The following VPS52 variants were observed in gnomAD, a reference collection of about 807,000 sequenced individuals.
VPS52 encodes VPS52 subunit of GARP complex.
Under a neutral mutation model 98.7 loss-of-function variants are expected in VPS52, and 56 were observed. That is an observed-to-expected ratio of 0.57 (90% CI 0.46 to 0.71). VPS52 has a LOEUF of 0.71. Among genes scored for constraint, VPS52 ranks in the 30% least tolerant of loss-of-function variants. The probability of loss-of-function intolerance (pLI) is 0.00; values close to 1 mark genes in which losing one functional copy is unlikely to be tolerated. For synonymous variants in VPS52, 348 were observed against 346.4 expected, an observed-to-expected ratio of 1.00 and a Z score of -0.05; for missense variants, 742 against 925.9, an observed-to-expected ratio of 0.80 and a Z score of 2.58.
chr6:33,268,255 G>T lies in VPS52; in HGVS notation c.700-47C>A. On this transcript the variant is annotated intron_variant, in intron 7 of 19. Transcript: ENST00000445902. This position sits in a 1 kb window ranked among gnomAD's most constrained non-coding sequence, Gnocchi z 4.0. ...CAGGGCATGAAGCTGCAACCCTTTT[G>T]CTGTATGAGAGGAACTGGGGGAAGC... 6.3e-7 allele frequency: 1 copy of T among 1,590,676 alleles called. No homozygotes were observed. Among genetic ancestry groups the T allele is most frequent in the Non-Finnish European group, 8.6e-7 (1 of 1,160,238 alleles).
In VPS52 at chr6:33,266,677, G is replaced by A. The variant is rs34933266; in HGVS notation, c.1161C>T (p.Tyr387=). The change falls in exon 12 of 20, where the codon TAC becomes TAT. Residue 387 remains tyrosine, a synonymous_variant. Coordinates refer to ENST00000445902, the MANE Select transcript of VPS52 (RefSeq NM_022553.6). ...CGCGGCAGGAATTGTCTAGGAGGGC[G>A]TAGTGCTGGCTGCGGAAGAGGGCCT... ...PFEALFRSQH[Y]ALLDNSCREY... 10,133 of 1,612,514 alleles carry A rather than the reference G, an allele frequency of 6.3e-3. 54 individuals are homozygous for A. Among genetic ancestry groups the A allele is most frequent in the Middle Eastern group, 0.014 (85 of 6,042 alleles).
chr6:33,263,691 T>C (rs1763938696), intron 16 of VPS52, 81 bp downstream of exon 16: 1 of 1,587,002 alleles, frequency 6.3e-7, no homozygotes, highest in Admixed American at 1.7e-5. Flanking sequence ...ACAGGCATCA[T>C]CTCTGCCCTC....
intron 17 of VPS52, among the ~76,000 whole-genome samples, chr6:33,261,934 G>T (rs143821154): frequency 6.6e-6 from 1 of 151,184 alleles, no homozygotes; most frequent in East Asian, 2.0e-4. Context: ...CAGCTACTCA[G>T]GAGGCTGAGG....
chr6:33,257,867 T>G (rs1438504148), intron 17 of VPS52, among the ~76,000 whole-genome samples: 1 of 151,892 alleles, frequency 6.6e-6, no homozygotes, highest in African/African-American at 2.4e-5. Flanking sequence ...ACAACAAAAA[T>G]TAGCTGGGCA....
chr6:33,264,529 A>T, intron 13 of VPS52, 32 bp from the exon 14 acceptor site: 2 of 1,613,176 alleles, frequency 1.2e-6, no homozygotes, highest in Non-Finnish European at 1.7e-6. Flanking sequence ...GAGGTCAGCC[A>T]GCAAGGAATG....
rs758314903 is a variant in VPS52, at chr6:33,271,649, A to G, written c.27T>C (p.Ala9=). ...CCCGCAACACCAGTTCCCGGGCCGC[A>G]GCCGCCATGGTCGCAGCGGCGGCCA... MAAAATMA[A]AARELVLRAG... Residue 9 remains alanine (A), a synonymous_variant, in exon 1 of 20, where the codon GCT becomes GCC. Coordinates refer to ENST00000445902, the MANE Select transcript of VPS52 (RefSeq NM_022553.6). The G allele has an allele frequency of 2.2e-5, 35 of 1,610,236 alleles. No individual in the cohort carries two copies. The South Asian group carries it at 3.4e-4, about 16-fold the overall frequency.
Position 33,267,139 on chromosome 6 carries a change from C to A in VPS52, c.1125+49G>T, listed in dbSNP as rs773799159. On this transcript the variant is annotated intron_variant, in intron 11 of 19. Transcript: ENST00000445902. The surrounding 1 kb of genome is among the most constrained non-coding windows in gnomAD (Gnocchi z 4.2). ...GCCCTGAGGTCTGGCCTTCCCTCCC[C>A]ACCGTGCTCAGAGCCTCTTTCGTGA... 6.9e-7 allele frequency: 1 copy of A among 1,453,338 alleles called. No individual in the cohort carries two copies. The highest frequency in any genetic ancestry group is 9.1e-7 in the Non-Finnish European group (1 of 1,101,040). The allele number at this position is 1,453,338 out of a possible 1,614,324, so 90.0% of individuals were successfully genotyped here. A position where few individuals can be genotyped will look rare whatever the true frequency, so the allele number is the denominator to read the frequency against.
Position 33,267,128 on chromosome 6 carries a change from C to G in VPS52, c.1125+60G>C. The G allele has an allele frequency of 6.9e-7, 1 of 1,450,634 alleles. No homozygotes were observed. Among genetic ancestry groups the G allele is most frequent in the Non-Finnish European group, 9.1e-7 (1 of 1,099,992 alleles). 89.9% of individuals were successfully genotyped at this position (1,450,634 alleles called of 1,614,324 possible). ...TGGGAAGCTCTGCCCTGAGGTCTGG[C>G]CTTCCCTCCCCACCGTGCTCAGAGC... is the stretch of plus-strand genomic sequence containing the variant. On this transcript the variant is annotated intron_variant, in intron 11 of 19. Transcript: ENST00000445902. The surrounding 1 kb of genome is among the most constrained non-coding windows in gnomAD (Gnocchi z 4.2).
intron 1 of VPS52, 159 bp downstream of exon 1, chr6:33,271,427 C>G (rs1765057518): frequency 3.7e-6 from 4 of 1,075,602 alleles, no homozygotes; most frequent in Non-Finnish European, 5.6e-6. Context: ...TAGGGTCCCG[C>G]TCAGGGTCGG....
rs540682448 is a variant in VPS52, at chr6:33,252,023, C to A, written c.1795-52G>T. On this transcript the variant is annotated intron_variant, in intron 17 of 19. Transcript: ENST00000445902. ...AGGTGTCCTGGTGTCAGCAGATTTG[C>A]CCAATTCTGGCATCATGACTAATGT... is the stretch of plus-strand genomic sequence containing the variant. 27 of 1,501,484 alleles carry A rather than the reference C, an allele frequency of 1.8e-5. No individual in the cohort carries two copies. The African/African-American group carries it at 3.6e-4, about 20-fold the overall frequency. 93.0% of individuals were successfully genotyped at this position (1,501,484 alleles called of 1,614,324 possible).
rs1189377847 is a variant in VPS52 at position 33,268,149 on chromosome 6, C to T, written c.759G>A (p.Met253Ile). ...LQKIYSFRKP[M>I]TNYQIPQTAL... ...CCGTCTGGGGGATCTGATAGTTGGT[C>T]ATGGGTTTCCTGAAGGAATAAATCT... Residue 253 changes from methionine (M) to isoleucine (I), a missense_variant, in exon 8 of 20, where the codon ATG becomes ATA. This residue lies in a region of VPS52 where 590 missense variants were observed against 793.3 expected (regional missense o/e 0.74). Transcript: ENST00000445902. The surrounding 1 kb of genome is among the most constrained non-coding windows in gnomAD (Gnocchi z 4.0). 1.2e-6 allele frequency: 2 copies of T among 1,612,946 alleles called. No individual in the cohort carries two copies. The highest frequency in any genetic ancestry group is 2.7e-5 in the African/African-American group (2 of 74,912).
In VPS52 at chr6:33,268,537, C is replaced by T. The variant is rs758161306; in HGVS notation, c.661G>A (p.Ala221Thr). ...EQEARGTAAC[A>T]DVRGVLDRLR... is the part of the protein sequence containing the mutation. ...CGATCGAGCACGCCTCTGACATCTG[C>T]GCAGGCTGCTGTGCCTCTAGCTTCC... The change falls in exon 7 of 20, where the codon GCA becomes ACA. Residue 221 changes from alanine (A) to threonine (T), a missense_variant. This residue lies in a region of VPS52 where 590 missense variants were observed against 793.3 expected (regional missense o/e 0.74). Transcript: ENST00000445902. This position sits in a 1 kb window ranked among gnomAD's most constrained non-coding sequence, Gnocchi z 4.0. The T allele has an allele frequency of 1.2e-5, 19 of 1,612,298 alleles. No individual in the cohort carries two copies. Among genetic ancestry groups the T allele is most frequent in the Middle Eastern group, 1.6e-4 (1 of 6,082 alleles).
Position 33,269,447 on chromosome 6 carries a change from G to T in VPS52, c.372+43C>A, listed in dbSNP as rs747271018. The T allele has an allele frequency of 1.3e-5, 21 of 1,610,686 alleles. No individual in the cohort carries two copies. In the East Asian group the frequency reaches 4.7e-4, roughly 36 times the overall value. ...AAAATGGCACCAGAGTCCATGATCTGGTTCAGAGTAGCTATTAGGGGTCAC... is the reference window on the plus strand; with the variant it reads ...AAAATGGCACCAGAGTCCATGATCTTGTTCAGAGTAGCTATTAGGGGTCAC... On this transcript the variant is annotated intron_variant, in intron 5 of 19. Transcript: ENST00000445902.
At chr6:33,264,621 G>C (rs1485368608) in intron 13 of VPS52, 124 bp from the exon 14 acceptor site, 2 of 1,484,112 alleles carry the variant, frequency 1.3e-6, no homozygotes, top group African/African-American at 2.8e-5. Context: ...GCAGTGGTTG[G>C]AGAAAGGTGA....
intron 16 of VPS52, 111 bp downstream of exon 16, chr6:33,263,661 A>G: frequency 6.3e-7 from 1 of 1,579,616 alleles, no homozygotes; most frequent in South Asian, 1.1e-5. Flanking sequence ...CCAGACTCCA[A>G]GAGTAAAACA....
At chr6:33,271,484 G>A (rs1765071574) in intron 1 of VPS52, 102 bp downstream of exon 1, 1 of 1,498,182 alleles carries the variant, frequency 6.7e-7, no homozygotes, top group East Asian at 2.5e-5. Flanking sequence ...GTAATATCAC[G>A]GGTAGCAGCC....
intron 16 of VPS52, 22 bp from the exon 17 acceptor site, chr6:33,263,571 T>C (rs1763927099): frequency 1.2e-6 from 2 of 1,613,914 alleles, no homozygotes; most frequent in Admixed American, 1.7e-5. Context: ...CAAAGGGAAA[T>C]GTCTAGTTTG....
At position 33,269,523 on chromosome 6, in the gene VPS52, G is replaced by A. The variant is rs766049278; in HGVS notation, c.339C>T (p.His113=). 12 of 1,612,928 alleles carry A rather than the reference G, an allele frequency of 7.4e-6. No homozygotes were observed. Among genetic ancestry groups the A allele is most frequent in the Non-Finnish European group, 1.0e-5 (12 of 1,179,712 alleles). The change falls in exon 5 of 20, where the codon CAC becomes CAT. Residue 113 remains histidine (H), a synonymous_variant. Transcript: ENST00000445902. ...IQESENIASL[H]NQITACDAVL... Reference sequence around the variant, plus strand: ...CAGCATCACAGGCTGTGATCTGGTTGTGTAGAGATGCTATATTCTCACTCT... The same window carrying A: ...CAGCATCACAGGCTGTGATCTGGTTATGTAGAGATGCTATATTCTCACTCT...
At position 33,263,998 on chromosome 6, in the gene VPS52, C is replaced by T. The variant is rs377192361; in HGVS notation, c.1620+10G>A. 4.6e-5 allele frequency: 74 copies of T among 1,614,062 alleles called. No individual in the cohort carries two copies. The highest frequency in any genetic ancestry group is 5.8e-5 in the Non-Finnish European group (68 of 1,180,016). On this transcript the variant is annotated intron_variant, in intron 15 of 19. Coordinates refer to ENST00000445902, the MANE Select transcript of VPS52 (RefSeq NM_022553.6). ...CTGCTGCTGGGAAGTGTCTCCTGTC[C>T]GACCCTCACCTGCAGCTGTCCCAGC...
Sources: gnomAD v4.1 joint callset for allele counts (sites outside exome capture counted in the v4.1 genomes callset) on GRCh38, gnomAD v4.1.1 for gene constraint, gnomAD v4.1.1 regional missense constraint, Gnocchi (gnomAD v3.1) non-coding constraint, MANE v1.5 for transcripts, NCBI Gene and HGNC (gene_info 2026-07-23, HGNC 2026-07-21) for gene names.